Variants in ANGPTL2 observed in about 807,000 individuals in gnomAD.
ANGPTL2 encodes the protein angiopoietin like 2.
A neutral mutation model predicts 52.8 loss-of-function variants in ANGPTL2; 25 were observed. The observed-to-expected ratio is 0.47, with a 90% CI of 0.35 to 0.66. ANGPTL2 has a LOEUF of 0.66. ANGPTL2 is among the 30% of genes least tolerant of loss of function. The pLI, the probability that ANGPTL2 is intolerant of heterozygous loss-of-function variation, is 0.01. For synonymous variants in ANGPTL2, 276 were observed against 277.4 expected, an observed-to-expected ratio of 1.00 and a Z score of 0.05; for missense variants, 546 against 656.9, an observed-to-expected ratio of 0.83 and a Z score of 1.84.
intron 2 of ANGPTL2, among the ~76,000 whole-genome samples, chr9:127,094,943 T>C (rs994879394): frequency 1.3e-5 from 2 of 152,356 alleles, no homozygotes; most frequent in South Asian, 4.1e-4. Flanking sequence ...GTTCCATTGT[T>C]GGTCACATCA....
intron 2 of ANGPTL2, among the ~76,000 whole-genome samples, chr9:127,102,818 G>A (rs1037214132): frequency 4.6e-5 from 7 of 152,220 alleles, no homozygotes; most frequent in African/African-American, 1.7e-4. Flanking sequence ...GAAATCACTG[G>A]ATTATGTAGT....
chr9:127,094,530 A>G (rs1196577055), intron 2 of ANGPTL2, among the ~76,000 whole-genome samples: 1 of 152,226 alleles, frequency 6.6e-6, no homozygotes, highest in African/African-American at 2.4e-5. Context: ...ATGAACTTCC[A>G]CAGTCACAGG....
intron 2 of ANGPTL2, among the ~76,000 whole-genome samples, chr9:127,102,476 T>G (rs1378092271): frequency 6.6e-6 from 1 of 152,194 alleles, no homozygotes; most frequent in African/African-American, 2.4e-5. Flanking sequence ...TTCTTTCAGT[T>G]TGCCAAGTAC....
intron 2 of ANGPTL2, among the ~76,000 whole-genome samples, chr9:127,104,863 A>C (rs558988976): frequency 1.3e-5 from 2 of 152,342 alleles, no homozygotes; most frequent in South Asian, 4.1e-4. Flanking sequence ...GATGTCCCTA[A>C]GAACAAAGGA....
intron 2 of ANGPTL2, 75 bp downstream of exon 2, chr9:127,107,840 T>G: frequency 2.1e-6 from 3 of 1,433,142 alleles, no homozygotes; most frequent in Non-Finnish European, 2.8e-6. Flanking sequence ...CTTTTCCCCA[T>G]TTGTGGACAC....
At chr9:127,108,835 G>C in intron 1 of ANGPTL2, 55 bp from the exon 2 acceptor site, 1 of 1,235,416 alleles carries the variant, frequency 8.1e-7, no homozygotes, top group Non-Finnish European at 1.1e-6. Context: ...TCAGTGCCCT[G>C]TGCCATCAGT....
rs1477649997 is a variant in ANGPTL2, at chr9:127,108,092, G to T, written c.640C>A (p.Pro214Thr). Reference sequence around the variant, plus strand: ...GGCGGGGCAGCGGGGGGTGGCTGGGGGACGGGCCTGGCCGAGGGCACCCTC... The same window carrying T: ...GGCGGGGCAGCGGGGGGTGGCTGGGTGACGGGCCTGGCCGAGGGCACCCTC... Reference protein sequence around the residue: ...CQRVPSARPVPQPPPAAPPRV... With the variant: ...CQRVPSARPVTQPPPAAPPRV... Residue 214 changes from proline to threonine, a missense_variant, in exon 2 of 5, where the codon CCC becomes ACC. This residue lies in a region of ANGPTL2 where 285 missense variants were observed against 295.8 expected (regional missense o/e 0.96). Transcript: ENST00000373425. 1 of 1,611,794 alleles carries T rather than the reference G, an allele frequency of 6.2e-7. No individual in the cohort carries two copies. Among genetic ancestry groups the T allele is most frequent in the Non-Finnish European group, 8.5e-7 (1 of 1,178,824 alleles).
chr9:127,090,774 G>A (rs561204238), intron 4 of ANGPTL2, among the ~76,000 whole-genome samples: 15 of 152,338 alleles, frequency 9.8e-5, no homozygotes, highest in East Asian at 1.9e-4. Flanking sequence ...AGCATCGGCC[G>A]TCAGGTGGTG....
In ANGPTL2 at chr9:127,088,466, C is replaced by T. The variant is rs896366539; in HGVS notation, c.*473G>A. On this transcript the variant is annotated 3_prime_UTR_variant, in exon 5 of 5. Coordinates refer to ENST00000373425, the MANE Select transcript of ANGPTL2 (RefSeq NM_012098.3). ...AAATGCTTTTCTCCTAAGAGCAAAGCTGCTGGTGACAGCTTCAACATCTGA... is the reference window on the plus strand; with the variant it reads ...AAATGCTTTTCTCCTAAGAGCAAAGTTGCTGGTGACAGCTTCAACATCTGA... 3 of 166,824 alleles carry T rather than the reference C, an allele frequency of 1.8e-5. No homozygotes were observed. Among genetic ancestry groups the T allele is most frequent in the African/African-American group, 7.2e-5 (3 of 41,614 alleles). 10.3% of individuals were successfully genotyped at this position (166,824 alleles called of 1,614,324 possible).
chr9:127,096,834 A>G (rs1412109058), intron 2 of ANGPTL2, among the ~76,000 whole-genome samples: 1 of 152,208 alleles, frequency 6.6e-6, no homozygotes, highest in East Asian at 1.9e-4. Context: ...AATAATAGCC[A>G]GTGTGTACTG....
chr9:127,116,773 G>A (rs1288559141), intron 1 of ANGPTL2, among the ~76,000 whole-genome samples: 1 of 152,218 alleles, frequency 6.6e-6, no homozygotes, highest in African/African-American at 2.4e-5. Flanking sequence ...GTTTGTGTCT[G>A]CCTCACTGAT....
At chr9:127,100,225 T>C (rs1481403556) in intron 2 of ANGPTL2, among the ~76,000 whole-genome samples, 1 of 152,216 alleles carries the variant, frequency 6.6e-6, no homozygotes, top group Admixed American at 6.5e-5. Context: ...AAAGCAAAAG[T>C]ATTAAATCCT....
intron 2 of ANGPTL2, among the ~76,000 whole-genome samples, chr9:127,102,895 G>C (rs1234238785): frequency 6.6e-6 from 1 of 152,240 alleles, no homozygotes; most frequent in Non-Finnish European, 1.5e-5. Context: ...GTATTGTACA[G>C]TGGAAACAGC....
In ANGPTL2 at chr9:127,108,091, G is replaced by C. The variant is rs2054406496; in HGVS notation, c.641C>G (p.Pro214Arg). 6.2e-7 allele frequency: 1 copy of C among 1,611,812 alleles called. No individual in the cohort carries two copies. Among genetic ancestry groups the C allele is most frequent in the Non-Finnish European group, 8.5e-7 (1 of 1,178,814 alleles). The change falls in exon 2 of 5, where the codon CCC (proline) becomes CGC (arginine). Residue 214 changes from proline (P) to arginine (R), a missense_variant. Coordinates refer to ENST00000373425, the MANE Select transcript of ANGPTL2 (RefSeq NM_012098.3). ...GGGCGGGGCAGCGGGGGGTGGCTGG[G>C]GGACGGGCCTGGCCGAGGGCACCCT... ...CQRVPSARPV[P>R]QPPPAAPPRV...
intron 2 of ANGPTL2, among the ~76,000 whole-genome samples, chr9:127,101,503 C>T (rs2053724312): frequency 6.6e-6 from 1 of 152,142 alleles, no homozygotes; most frequent in Non-Finnish European, 1.5e-5. Flanking sequence ...GACCCTCCAT[C>T]CTTCACCCTC....
chr9:127,118,348 A>T (rs1041584053), intron 1 of ANGPTL2, among the ~76,000 whole-genome samples: 1 of 152,238 alleles, frequency 6.6e-6, no homozygotes, highest in Non-Finnish European at 1.5e-5. Context: ...GAGGCTTCTG[A>T]CGTGACCAGT....
At position 127,097,226 on chromosome 9, in the gene ANGPTL2, T is replaced by C. The variant is rs141430518; in HGVS notation, c.818-3300A>G. On this transcript the variant is annotated intron_variant, in intron 2 of 4. Transcript: ENST00000373425. The stretch of plus-strand genomic sequence containing the variant: ...CCTTTTGGTGTTCTTTGCCCATTTT[T>C]CAACGATTGTAGTGTCTGTTATGAT... Among the ~76,000 whole-genome samples, 44 of 152,394 alleles carry C rather than the reference T, an allele frequency of 2.9e-4. No homozygotes were observed. The East Asian group carries it at 6.7e-3, about 23-fold the overall frequency.
intron 3 of ANGPTL2, among the ~76,000 whole-genome samples, chr9:127,092,366 G>A (rs1306749165): frequency 6.6e-6 from 1 of 152,102 alleles, no homozygotes; most frequent in Non-Finnish European, 1.5e-5. Context: ...AAGCTGTAAC[G>A]CACCAGACGG....
chr9:127,090,808 A>G (rs570076279), intron 4 of ANGPTL2, among the ~76,000 whole-genome samples: 1 of 152,360 alleles, frequency 6.6e-6, no homozygotes, highest in African/African-American at 2.4e-5. Flanking sequence ...GGAGCATGGC[A>G]GACTGAGAGG....
Sources: gnomAD v4.1 joint callset for allele counts (sites outside exome capture counted in the v4.1 genomes callset) on GRCh38, gnomAD v4.1.1 for gene constraint, gnomAD v4.1.1 regional missense constraint, MANE v1.5 for transcripts, NCBI Gene and HGNC (gene_info 2026-07-23, HGNC 2026-07-21) for gene names.